Variants in ACYP2 observed in about 807,000 individuals in gnomAD.
The protein encoded by ACYP2 is acylphosphatase 2, also known as acylphosphatase-2.
A neutral mutation model predicts 11.2 loss-of-function variants in ACYP2; 12 were observed. The observed-to-expected ratio is 1.08, with a 90% CI of 0.69 to 1.74. ACYP2 has a LOEUF of 1.74. ACYP2 is among the 40% of genes most tolerant of loss of function. ACYP2 has a pLI of 0.00. For missense variants in ACYP2, 134 were observed against 101.9 expected, an observed-to-expected ratio of 1.31 and a Z score of -1.35; for synonymous variants, 43 against 32.2, an observed-to-expected ratio of 1.33 and a Z score of -1.13.
At chr2:54,242,722 T>C (rs902342007) in intron 6 of ACYP2, among the ~76,000 whole-genome samples, 2 of 152,200 alleles carry the variant, frequency 1.3e-5, no homozygotes, top group Admixed American at 6.5e-5. Flanking sequence ...ATGTGCGCCA[T>C]TGCACTCCAG....
chr2:54,075,972 A>C (rs191420912), intron 4 of ACYP2, among the ~76,000 whole-genome samples: 1 of 152,144 alleles, frequency 6.6e-6, no homozygotes, highest in Non-Finnish European at 1.5e-5. Context: ...TTTGTAGCAG[A>C]TATTTCGAGT....
intron 6 of ACYP2, among the ~76,000 whole-genome samples, chr2:54,164,310 G>C (rs542594730): frequency 1.9e-4 from 29 of 152,248 alleles, no homozygotes; most frequent in African/African-American, 7.0e-4. Flanking sequence ...AGATAGGTGA[G>C]GATTTAACTG....
rs199917228 is a variant in ACYP2, at chr2:54,115,761, G to A, written c.278-19692G>A. ...AGGTGTTCGGAAGAGTGCAGGGTAG[G>A]AGGCCCCTCTACGGTGGGAGATCAA... On this transcript the variant is annotated intron_variant, in intron 4 of 6. Transcript: ENST00000607452. The A allele has an allele frequency of 6.2e-6, 10 of 1,603,070 alleles. No homozygotes were observed. In the East Asian group the frequency reaches 2.1e-4, roughly 33 times the overall value.
chr2:54,288,029 G>A (rs1304307641), intron 6 of ACYP2, among the ~76,000 whole-genome samples: 2 of 151,896 alleles, frequency 1.3e-5, no homozygotes, highest in Non-Finnish European at 2.9e-5. Context: ...TGTGGAAAAG[G>A]GGTATTCTTG....
intron 4 of ACYP2, among the ~76,000 whole-genome samples, chr2:54,086,564 T>C (rs1378055290): frequency 6.6e-6 from 1 of 152,234 alleles, no homozygotes; most frequent in Non-Finnish European, 1.5e-5. Context: ...GCATCATTTA[T>C]TATCATTTTG....
intron 6 of ACYP2, among the ~76,000 whole-genome samples, chr2:54,190,584 A>G (rs1163479651): frequency 1.3e-5 from 2 of 151,892 alleles, no homozygotes; most frequent in African/African-American, 4.8e-5. Flanking sequence ...TACTGCCATG[A>G]TCTTCTGCCT....
At chr2:54,104,770 G>A (rs1679062833) in intron 4 of ACYP2, among the ~76,000 whole-genome samples, 1 of 152,206 alleles carries the variant, frequency 6.6e-6, no homozygotes, top group Non-Finnish European at 1.5e-5. Flanking sequence ...GCTGATGGCT[G>A]GCCCAGCACC....
At chr2:54,107,014 G>T (rs1169498901) in intron 4 of ACYP2, among the ~76,000 whole-genome samples, 2 of 152,108 alleles carry the variant, frequency 1.3e-5, no homozygotes, top group Non-Finnish European at 2.9e-5. Flanking sequence ...GGTTTAGCAT[G>T]CACCTAAAAG....
intron 6 of ACYP2, among the ~76,000 whole-genome samples, chr2:54,252,858 C>T (rs979822865): frequency 2.0e-5 from 3 of 151,060 alleles, no homozygotes; most frequent in African/African-American, 7.3e-5. Flanking sequence ...GAGCTGAGAT[C>T]GTGCCACTGC....
In ACYP2 at chr2:54,266,590, C is replaced by CTTTTTTTTTTTTTTTTTT. The variant is rs138812389; in HGVS notation, c.405-38082_405-38065dup. ...TAGATAGATATAGATATCTATCTAT[C>CTTTTTTTTTTTTTTTTTT]TTTTTTTTTTTTTTTTTTTTTTTTT... On this transcript the variant is annotated intron_variant, in intron 6 of 6. Coordinates refer to ENST00000607452, the MANE Select transcript of ACYP2 (RefSeq NM_001320586.2). Among the ~76,000 whole-genome samples the CTTTTTTTTTTTTTTTTTT allele has an allele frequency of 1.5e-4, 8 of 52,270 alleles. 2 individuals are homozygous for CTTTTTTTTTTTTTTTTTT. Among genetic ancestry groups the CTTTTTTTTTTTTTTTTTT allele is most frequent in the Non-Finnish European group, 2.7e-4 (8 of 29,942 alleles). 34.3% of individuals were successfully genotyped at this position (52,270 alleles called of 152,430 possible).
At chr2:54,267,151 T>C in intron 6 of ACYP2, 1 of 764,130 alleles carries the variant, frequency 1.3e-6, no homozygotes, top group Non-Finnish European at 2.1e-6. Flanking sequence ...TGTTGAGTTG[T>C]TATAATGAGC....
At chr2:54,049,272 T>C (rs1675702429) in intron 2 of ACYP2, among the ~76,000 whole-genome samples, 1 of 151,712 alleles carries the variant, frequency 6.6e-6, no homozygotes, top group Non-Finnish European at 1.5e-5. Context: ...AAAATAATAA[T>C]AATAATAATG....
chr2:54,138,344 A>G (rs778289234), intron 5 of ACYP2, among the ~76,000 whole-genome samples: 4 of 152,220 alleles, frequency 2.6e-5, no homozygotes, highest in Non-Finnish European at 4.4e-5. Context: ...AATTTTATGT[A>G]TCCAAAAACA....
chr2:54,014,298 A>T (rs1673559481), intron 2 of ACYP2, among the ~76,000 whole-genome samples: 1 of 151,934 alleles, frequency 6.6e-6, no homozygotes, highest in Non-Finnish European at 1.5e-5. Context: ...GGTCAGGATT[A>T]TCTTCACTTT....
rs551667836 is a variant in ACYP2 at position 54,166,337 on chromosome 2, A to C, written c.404+27589A>C. Among the ~76,000 whole-genome samples, 48 of 152,298 alleles carry C rather than the reference A, an allele frequency of 3.2e-4. 1 individual carries two copies. In the South Asian group the frequency reaches 9.5e-3, roughly 30 times the overall value. On this transcript the variant is annotated intron_variant, in intron 6 of 6. Coordinates refer to ENST00000607452, the MANE Select transcript of ACYP2 (RefSeq NM_001320586.2). ...CAGAGTGTTGGGAACTGTGGATACA[A>C]AGATGAGTAATACAGTCTCTGCCCT...
chr2:54,047,889 C>G (rs1387885133), intron 2 of ACYP2, among the ~76,000 whole-genome samples: 2 of 152,172 alleles, frequency 1.3e-5, no homozygotes, highest in Non-Finnish European at 2.9e-5. Flanking sequence ...AGTCATGGTT[C>G]TAGAAGAAAA....
chr2:54,278,131 C>G (rs952393255), intron 6 of ACYP2, among the ~76,000 whole-genome samples: 1 of 152,156 alleles, frequency 6.6e-6, no homozygotes, highest in African/African-American at 2.4e-5. Context: ...GCGCCCGCCA[C>G]CATGCCGAGC....
At chr2:54,091,951 G>A (rs1678258454) in intron 4 of ACYP2, among the ~76,000 whole-genome samples, 1 of 152,104 alleles carries the variant, frequency 6.6e-6, no homozygotes, top group Admixed American at 6.5e-5. Flanking sequence ...GTAATAGTCC[G>A]TGTGAGAAAG....
intron 4 of ACYP2, among the ~76,000 whole-genome samples, chr2:54,111,858 T>A (rs1036069260): frequency 1.1e-4 from 16 of 152,186 alleles, no homozygotes. Context: ...AATATCAAAT[T>A]TCTGAGAAAT....
Sources: allele counts gnomAD v4.1 joint callset (sites outside exome capture counted in the v4.1 genomes callset), GRCh38; gene constraint gnomAD v4.1.1; transcripts MANE v1.5; gene names NCBI Gene and HGNC (gene_info 2026-07-23, HGNC 2026-07-21).